Variants in PAK2 observed in about 807,000 individuals in gnomAD.
PAK2 encodes the protein p21 (RAC1) activated kinase 2.
PAK2 carries 21 observed loss-of-function variants against 65.9 expected under a neutral mutation model. The ratio of observed to expected loss-of-function variants is 0.32; its 90% CI spans 0.23 to 0.46. The LOEUF is 0.46. PAK2 is among the 20% of genes least tolerant of loss of function. The pLI is 1.00. For synonymous variants in PAK2, 204 were observed against 219.7 expected (o/e 0.93, Z 0.63); for missense variants, 324 against 642.6 (o/e 0.50, Z 5.36).
chr3:196,753,724 C>T (rs843529), intron 1 of PAK2, among the ~76,000 whole-genome samples: 67,402 of 151,924 alleles, frequency 0.44, 15,765 homozygotes, highest in Non-Finnish European at 0.53. Context: ...TGATGTTGTT[C>T]TATCGCCTTG....
At chr3:196,748,010 G>A (rs921490183) in intron 1 of PAK2, among the ~76,000 whole-genome samples, 4 of 151,964 alleles carry the variant, frequency 2.6e-5, no homozygotes, top group African/African-American at 9.7e-5. Context: ...TTCCTTTATA[G>A]CACTTCCATC....
At chr3:196,784,033 T>C (rs1714801350) in intron 2 of PAK2, among the ~76,000 whole-genome samples, 1 of 152,160 alleles carries the variant, frequency 6.6e-6, no homozygotes, top group South Asian at 2.1e-4. Flanking sequence ...TACATCTTAC[T>C]GGGTGTAGGG....
intron 1 of PAK2, among the ~76,000 whole-genome samples, chr3:196,752,856 G>A (rs191289393): frequency 3.1e-4 from 47 of 151,632 alleles, no homozygotes; most frequent in Middle Eastern, 6.8e-3. Flanking sequence ...CCTCCCAAAG[G>A]GCTGGTAGTA....
intron 1 of PAK2, among the ~76,000 whole-genome samples, chr3:196,778,438 A>G (rs1016390777): frequency 3.9e-5 from 6 of 152,188 alleles, no homozygotes; most frequent in African/African-American, 1.4e-4. Context: ...TAGTAGCTCT[A>G]TATTTAATTT....
At chr3:196,795,959 G>C (rs1205407404) in intron 2 of PAK2, among the ~76,000 whole-genome samples, 2 of 152,242 alleles carry the variant, frequency 1.3e-5, no homozygotes, top group Non-Finnish European at 2.9e-5. Flanking sequence ...AGATGAAACT[G>C]TTCCATCTGA....
intron 1 of PAK2, among the ~76,000 whole-genome samples, chr3:196,781,824 C>G (rs1299474635): frequency 6.6e-6 from 1 of 152,144 alleles, no homozygotes; most frequent in Non-Finnish European, 1.5e-5. Context: ...AAAGATTAGG[C>G]TGGATGCCGT....
At chr3:196,751,694 T>TATATAAA (rs1211217848) in intron 1 of PAK2, among the ~76,000 whole-genome samples, 2 of 45,852 alleles carry the variant, frequency 4.4e-5, no homozygotes, top group Non-Finnish European at 4.4e-5. Context: ...TATATATATA[T>TATATAAA]AATTCAGGCT....
chr3:196,773,220 T>G (rs1714416947), intron 1 of PAK2, among the ~76,000 whole-genome samples: 1 of 152,208 alleles, frequency 6.6e-6, no homozygotes, highest in African/African-American at 2.4e-5. Flanking sequence ...TAGCAAAAAG[T>G]GTTTGAACAG....
intron 1 of PAK2, among the ~76,000 whole-genome samples, chr3:196,764,752 C>T (rs1714099786): frequency 6.6e-6 from 1 of 151,740 alleles, no homozygotes; most frequent in African/African-American, 2.4e-5. Flanking sequence ...CTAGTGGGCT[C>T]AGGCAGTCCT....
chr3:196,785,816 G>A (rs773100877), intron 2 of PAK2, among the ~76,000 whole-genome samples: 7 of 152,162 alleles, frequency 4.6e-5, no homozygotes, highest in Non-Finnish European at 1.0e-4. Context: ...ACGAGAGAGA[G>A]CTTGTGCAGG....
intron 13 of PAK2, among the ~76,000 whole-genome samples, chr3:196,821,445 T>C (rs1053309987): frequency 5.9e-5 from 9 of 152,094 alleles, no homozygotes; most frequent in Non-Finnish European, 2.9e-5. Flanking sequence ...CTTACACCTG[T>C]AGTCCCAGCA....
chr3:196,793,744 G>C (rs1343307691), intron 2 of PAK2, among the ~76,000 whole-genome samples: 4 of 152,156 alleles, frequency 2.6e-5, no homozygotes, highest in Non-Finnish European at 5.9e-5. Context: ...AGAATGATCA[G>C]AGAACAATGG....
chr3:196,801,570 C>T (rs1715423710), intron 2 of PAK2, among the ~76,000 whole-genome samples: 1 of 152,110 alleles, frequency 6.6e-6, no homozygotes. Context: ...GCCGGGCATG[C>T]GGTGGCTCAC....
intron 1 of PAK2, among the ~76,000 whole-genome samples, chr3:196,746,621 GACCAA>G: frequency 6.6e-6 from 1 of 152,048 alleles, no homozygotes; most frequent in South Asian, 2.1e-4. Flanking sequence ...AGACCAGCCT[GACCAA>G]CATGGAGAAA....
chr3:196,769,730 T>G (rs571644998), intron 1 of PAK2, among the ~76,000 whole-genome samples: 1 of 151,870 alleles, frequency 6.6e-6, no homozygotes, highest in African/African-American at 2.4e-5. Flanking sequence ...GGCAGGAGAA[T>G]TGCTTGAACC....
At chr3:196,825,682 T>G (rs941685280) in intron 13 of PAK2, among the ~76,000 whole-genome samples, 1 of 152,002 alleles carries the variant, frequency 6.6e-6, no homozygotes, top group African/African-American at 2.4e-5. Flanking sequence ...AAAATTCAAT[T>G]TATAGAAATG....
In PAK2 at chr3:196,767,525, G is replaced by C. The variant is rs1210257868; in HGVS notation, c.-21-15101G>C. Among the ~76,000 whole-genome samples, 5 of 152,112 alleles carry C rather than the reference G, an allele frequency of 3.3e-5. 1 individual carries two copies. Among genetic ancestry groups the C allele is most frequent in the African/African-American group, 1.2e-4 (5 of 41,416 alleles). On this transcript the variant is annotated intron_variant, in intron 1 of 14. Transcript: ENST00000327134. ...TTTGTTTGAGACGGAGTCTTGCTCT[G>C]TCACCCAGGCTGGAGTGCAGTGGCA...
At chr3:196,826,474 G>C (rs963261485) in intron 13 of PAK2, among the ~76,000 whole-genome samples, 9 of 151,298 alleles carry the variant, frequency 5.9e-5, no homozygotes, top group African/African-American at 1.2e-4. Context: ...GCCCGGCCTT[G>C]GTTTTTTTTT....
chr3:196,808,151 C>G, intron 7 of PAK2: 1 of 316,248 alleles, frequency 3.2e-6, no homozygotes, highest in South Asian at 4.5e-5. Flanking sequence ...AACCCCGTCT[C>G]TACTAAAAAT....
Sources: allele counts gnomAD v4.1 joint callset (sites outside exome capture counted in the v4.1 genomes callset), GRCh38; gene constraint gnomAD v4.1.1; transcripts MANE v1.5; gene names NCBI Gene and HGNC (gene_info 2026-07-23, HGNC 2026-07-21).